ZNF407: variants seen among roughly 807,000 people sequenced by gnomAD.
ZNF407 encodes zinc finger protein 407.
ZNF407 carries 17 observed loss-of-function variants against 131.2 expected under a neutral mutation model. The ratio of observed to expected loss-of-function variants is 0.13; its 90% CI spans 0.09 to 0.19. ZNF407 has a LOEUF of 0.19. ZNF407 is among the 10% of genes least tolerant of loss of function. ZNF407 has a pLI of 1.00. For synonymous variants in ZNF407, 1,156 were observed against 1,062.0 expected, an observed-to-expected ratio of 1.09 and a Z score of -1.72; for missense variants, 2,681 against 2,830.6, an observed-to-expected ratio of 0.95 and a Z score of 1.20.
chr18:74,900,385 G>A (rs1463480993), intron 7 of ZNF407, among the ~76,000 whole-genome samples: 1 of 152,118 alleles, frequency 6.6e-6, no homozygotes, highest in Middle Eastern at 3.2e-3. Context: ...GGAGTTTTGA[G>A]TCAAGAAAAC....
intron 8 of ZNF407, among the ~76,000 whole-genome samples, chr18:74,939,180 C>T (rs1213373706): frequency 6.6e-6 from 1 of 152,116 alleles, no homozygotes; most frequent in South Asian, 2.1e-4. Flanking sequence ...AACATGCATA[C>T]CTACAATATC....
At chr18:74,963,368 T>C (rs1193594077) in intron 8 of ZNF407, among the ~76,000 whole-genome samples, 1 of 152,238 alleles carries the variant, frequency 6.6e-6, no homozygotes, top group East Asian at 1.9e-4. Context: ...TCCTTACAAC[T>C]GTACCCATTT....
intron 1 of ZNF407, among the ~76,000 whole-genome samples, chr18:74,622,799 T>A (rs1463747238): frequency 6.6e-6 from 1 of 151,610 alleles, no homozygotes; most frequent in Non-Finnish European, 1.5e-5. Flanking sequence ...TGTCTGTGTC[T>A]GAATTTGTGA....
At chr18:74,832,236 T>G (rs533562448) in intron 4 of ZNF407, among the ~76,000 whole-genome samples, 32 of 152,264 alleles carry the variant, frequency 2.1e-4, no homozygotes, top group African/African-American at 7.2e-4. Flanking sequence ...ACAATGAGAT[T>G]TTTGAACTCA....
chr18:74,852,211 G>A (rs988841375), intron 4 of ZNF407, among the ~76,000 whole-genome samples: 37 of 150,754 alleles, frequency 2.5e-4, no homozygotes, highest in Admixed American at 7.3e-4. Context: ...ACGCACGCAC[G>A]CGCACGCGCG....
chr18:74,844,787 T>C (rs1970680417), intron 4 of ZNF407, among the ~76,000 whole-genome samples: 1 of 152,168 alleles, frequency 6.6e-6, no homozygotes, highest in African/African-American at 2.4e-5. Context: ...GGGAATCTGA[T>C]GGGGCCCAGA....
chr18:75,045,792 G>T (rs999661988), intron 8 of ZNF407, among the ~76,000 whole-genome samples: 2 of 152,110 alleles, frequency 1.3e-5, no homozygotes, highest in African/African-American at 4.8e-5. Flanking sequence ...TGAGGCTGGT[G>T]GGCTTTGTTT....
chr18:74,690,157 A>T (rs1438772998), intron 3 of ZNF407, among the ~76,000 whole-genome samples: 2 of 152,222 alleles, frequency 1.3e-5, no homozygotes, highest in Non-Finnish European at 1.5e-5. Flanking sequence ...ATTCTCCTAT[A>T]TATAATGGCA....
At chr18:74,999,394 AT>A (rs573708313) in intron 8 of ZNF407, among the ~76,000 whole-genome samples, 419 of 144,310 alleles carry the variant, frequency 2.9e-3, no homozygotes, top group Non-Finnish European at 5.3e-3. Flanking sequence ...AAACTTAAGT[AT>A]TTTGTTTGAA....
chr18:74,866,177 A>G (rs764342128), intron 4 of ZNF407, among the ~76,000 whole-genome samples: 1 of 152,280 alleles, frequency 6.6e-6, no homozygotes, highest in African/African-American at 2.4e-5. Context: ...TACTGTGTCT[A>G]TGTTGAATTG....
At chr18:74,793,527 A>T (rs1969864219) in intron 4 of ZNF407, among the ~76,000 whole-genome samples, 1 of 152,230 alleles carries the variant, frequency 6.6e-6, no homozygotes, top group Non-Finnish European at 1.5e-5. Flanking sequence ...GTAAAGGAGA[A>T]AAGTTTGTTG....
At position 74,632,788 on chromosome 18, in the gene ZNF407, G is replaced by T. The variant is rs774691225; in HGVS notation, c.1769G>T (p.Cys590Phe). ...QHQQTASVLSCQCCSFISLDE... is the reference protein window; with the variant it reads ...QHQQTASVLSFQCCSFISLDE... Reference sequence around the variant, plus strand: ...CAGCAAACTGCTTCTGTCCTGAGTTGTCAGTGTTGTTCATTTATATCCTTG... The same window carrying T: ...CAGCAAACTGCTTCTGTCCTGAGTTTTCAGTGTTGTTCATTTATATCCTTG... The change falls in exon 2 of 9, where the codon TGT becomes TTT. Residue 590 changes from cysteine (C) to phenylalanine (F), a missense_variant. Cys to Phe is a radical substitution (Grantham distance 205). Coordinates refer to ENST00000299687, the MANE Select transcript of ZNF407 (RefSeq NM_017757.3). The T allele has an allele frequency of 6.2e-7, 1 of 1,613,952 alleles. No homozygotes were observed. Among genetic ancestry groups the T allele is most frequent in the South Asian group, 1.1e-5 (1 of 91,076 alleles).
At chr18:74,983,167 C>G (rs1972612608) in intron 8 of ZNF407, among the ~76,000 whole-genome samples, 1 of 152,098 alleles carries the variant, frequency 6.6e-6, no homozygotes, top group Non-Finnish European at 1.5e-5. Context: ...TTAAACTGCA[C>G]TATTTTTTTT....
At chr18:75,043,911 TAG>T (rs1160867091) in intron 8 of ZNF407, among the ~76,000 whole-genome samples, 1 of 152,204 alleles carries the variant, frequency 6.6e-6, no homozygotes, top group African/African-American at 2.4e-5. Flanking sequence ...TAATCAATGA[TAG>T]AGTTTTCTAA....
chr18:74,631,600 T>C lies in ZNF407; in HGVS notation c.581T>C (p.Leu194Ser). The part of the protein sequence containing the change: ...TVLKCSICGH[L>S]FSSCSDLEKH... Reference sequence around the variant, plus strand: ...CTCAAATGCAGCATCTGTGGGCATTTGTTTTCTTCTTGCTCTGACTTGGAA... The same window carrying C: ...CTCAAATGCAGCATCTGTGGGCATTCGTTTTCTTCTTGCTCTGACTTGGAA... Residue 194 changes from leucine (L) to serine (S), a missense_variant, in exon 2 of 9, where the codon TTG (leucine) becomes TCG (serine). By Grantham distance (145) the Leu-to-Ser change is moderately radical. This residue lies in a region of ZNF407 where 1,789 missense variants were observed against 1,748.7 expected (regional missense o/e 1.02). Transcript: ENST00000299687. 6.2e-7 allele frequency: 1 copy of C among 1,613,874 alleles called. No homozygotes were observed. Among genetic ancestry groups the C allele is most frequent in the Non-Finnish European group, 8.5e-7 (1 of 1,179,904 alleles).
At chr18:74,664,035 T>C (rs1473417380) in intron 3 of ZNF407, among the ~76,000 whole-genome samples, 1 of 152,148 alleles carries the variant, frequency 6.6e-6, no homozygotes, top group Non-Finnish European at 1.5e-5. Context: ...TAGCAAGAAG[T>C]GCAGGAGGAC....
intron 8 of ZNF407, among the ~76,000 whole-genome samples, chr18:74,935,140 A>T (rs1972025425): frequency 6.6e-6 from 1 of 152,214 alleles, no homozygotes; most frequent in Admixed American, 6.5e-5. Flanking sequence ...TGTTTTAAAG[A>T]ATCCATTAGT....
chr18:74,651,364 T>G (rs895923108), intron 3 of ZNF407, among the ~76,000 whole-genome samples: 2 of 152,170 alleles, frequency 1.3e-5, no homozygotes, highest in African/African-American at 4.8e-5. Flanking sequence ...AGTACTTGCT[T>G]TGTCAAGTAC....
At chr18:74,920,012 G>C (rs1301448657) in intron 7 of ZNF407, among the ~76,000 whole-genome samples, 1 of 152,142 alleles carries the variant, frequency 6.6e-6, no homozygotes, top group Non-Finnish European at 1.5e-5. Flanking sequence ...CCAAATACTG[G>C]AGTTGAGCCT....
Sources: gnomAD v4.1 joint callset for allele counts (sites outside exome capture counted in the v4.1 genomes callset) on GRCh38, gnomAD v4.1.1 for gene constraint, gnomAD v4.1.1 regional missense constraint, MANE v1.5 for transcripts, NCBI Gene and HGNC (gene_info 2026-07-23, HGNC 2026-07-21) for gene names.